The following ANTXR1 variants were observed in gnomAD, a reference collection of about 807,000 sequenced individuals.
ANTXR1 encodes the protein ANTXR cell adhesion molecule 1.
ANTXR1 carries 19 observed loss-of-function variants against 78.1 expected under a neutral mutation model. That is an observed-to-expected ratio of 0.24 (90% confidence interval 0.17 to 0.36). The LOEUF (loss-of-function observed/expected upper bound fraction) is 0.36. Ranked by LOEUF, ANTXR1 falls within the 10% of genes least tolerant of loss-of-function variation. The pLI is 1.00. For synonymous variants in ANTXR1, 273 were observed against 260.5 expected (o/e 1.05, Z -0.46); for missense variants, 518 against 718.6 (o/e 0.72, Z 3.19).
At position 69,181,777 on chromosome 2, in the gene ANTXR1, T is replaced by C. The variant is rs1309783201; in HGVS notation, c.1090-9T>C. On this transcript the variant is annotated splice_polypyrimidine_tract_variant and intron_variant, in intron 14 of 17. Coordinates refer to ENST00000303714, the MANE Select transcript of ANTXR1 (RefSeq NM_032208.3). ...TTTGCTTCCTTCATGTGCCACAATT[T>C]CTCTGCAGGAAGAAGATGATGATGG... 1 of 1,613,914 alleles carries C rather than the reference T, an allele frequency of 6.2e-7. No individual in the cohort carries two copies. The highest frequency in any genetic ancestry group is 8.5e-7 in the Non-Finnish European group (1 of 1,179,840).
At chr2:69,244,032 G>A (rs1315801276) in intron 17 of ANTXR1, among the ~76,000 whole-genome samples, 1 of 152,262 alleles carries the variant, frequency 6.6e-6, no homozygotes, top group Admixed American at 6.5e-5. Context: ...GGAACATGGT[G>A]AGCAGGAGAA....
chr2:69,033,726 C>G (rs538927084), intron 1 of ANTXR1, among the ~76,000 whole-genome samples: 7 of 152,312 alleles, frequency 4.6e-5, no homozygotes, highest in African/African-American at 1.7e-4. Context: ...TAATTTCCAT[C>G]CTTAGAGCTG....
intron 8 of ANTXR1, among the ~76,000 whole-genome samples, chr2:69,089,081 C>G (rs765604699): frequency 6.6e-6 from 1 of 152,162 alleles, no homozygotes; most frequent in Non-Finnish European, 1.5e-5. Context: ...GCTGAAGGAA[C>G]TAATTACTTC....
intron 16 of ANTXR1, among the ~76,000 whole-genome samples, chr2:69,186,070 G>T (rs2104467677): frequency 6.7e-6 from 1 of 150,036 alleles, no homozygotes; most frequent in East Asian, 1.9e-4. Flanking sequence ...AAACAGTGTT[G>T]TACCTGGCTC....
intron 12 of ANTXR1, among the ~76,000 whole-genome samples, chr2:69,151,322 A>G (rs1373747282): frequency 6.6e-6 from 1 of 151,630 alleles, no homozygotes; most frequent in African/African-American, 2.4e-5. Flanking sequence ...ACCTATCACA[A>G]TTTGCCCCCT....
At chr2:69,067,110 C>G (rs1472710970) in intron 3 of ANTXR1, among the ~76,000 whole-genome samples, 2 of 151,984 alleles carry the variant, frequency 1.3e-5, no homozygotes. Flanking sequence ...ATTTTGTTTG[C>G]TTAGATGTTG....
chr2:69,065,129 A>G (rs373517399), intron 3 of ANTXR1, among the ~76,000 whole-genome samples: 12 of 152,180 alleles, frequency 7.9e-5, no homozygotes, highest in African/African-American at 2.9e-4. Context: ...ACCACTGGTA[A>G]GAGTGGTTTT....
Position 69,013,431 on chromosome 2 carries a change from C to T in ANTXR1, c.-69C>T, listed in dbSNP as rs1020893008. 1.9e-6 allele frequency: 3 copies of T among 1,563,782 alleles called. No homozygotes were observed. In the Admixed American group the frequency reaches 5.8e-5, roughly 30 times the overall value. Reference sequence around the variant, plus strand: ...GAGGAAGGGCCCGCGGATGGCGCGTCCCTGAGGGTCGTGGCGAGTTCGCGG... The same window carrying T: ...GAGGAAGGGCCCGCGGATGGCGCGTTCCTGAGGGTCGTGGCGAGTTCGCGG... On this transcript the variant is annotated 5_prime_UTR_variant, in exon 1 of 18. Coordinates refer to ENST00000303714, the MANE Select transcript of ANTXR1 (RefSeq NM_032208.3). The surrounding 1 kb of genome is among the most constrained non-coding windows in gnomAD (Gnocchi z 5.0).
intron 17 of ANTXR1, among the ~76,000 whole-genome samples, chr2:69,243,416 C>A (rs1675936761): frequency 1.3e-5 from 2 of 152,050 alleles, no homozygotes; most frequent in Non-Finnish European, 1.5e-5. Flanking sequence ...GTGGTGTAGG[C>A]TGTAACTAGA....
intron 1 of ANTXR1, among the ~76,000 whole-genome samples, chr2:69,018,440 A>T (rs1671089854): frequency 6.6e-6 from 1 of 152,168 alleles, no homozygotes; most frequent in Non-Finnish European, 1.5e-5. Context: ...AGATTTTTGT[A>T]GCATTAGGCT....
intron 13 of ANTXR1, among the ~76,000 whole-genome samples, chr2:69,169,075 C>A (rs540919790): frequency 2.6e-5 from 4 of 152,368 alleles, no homozygotes; most frequent in African/African-American, 9.6e-5. Context: ...CCAGAATAAT[C>A]ATCAAACCAG....
At chr2:69,194,915 A>C (rs1273842066) in intron 17 of ANTXR1, among the ~76,000 whole-genome samples, 2 of 152,130 alleles carry the variant, frequency 1.3e-5, no homozygotes, top group Non-Finnish European at 2.9e-5. Context: ...CACACTGGTA[A>C]TCCCAGCACT....
intron 5 of ANTXR1, 50 bp downstream of exon 5, chr2:69,071,837 G>C (rs1159207328): frequency 6.4e-7 from 1 of 1,555,508 alleles, no homozygotes; most frequent in East Asian, 2.2e-5. Context: ...CTTTTTCCGT[G>C]TTTGTTGCTG....
chr2:69,132,593 G>A (rs762424081), intron 12 of ANTXR1, among the ~76,000 whole-genome samples: 16 of 152,176 alleles, frequency 1.1e-4, no homozygotes, highest in South Asian at 2.1e-4. Flanking sequence ...AAATTATTGC[G>A]TACTCTTCAG....
intron 9 of ANTXR1, among the ~76,000 whole-genome samples, chr2:69,094,467 G>T (rs1423824716): frequency 6.6e-6 from 1 of 152,206 alleles, no homozygotes; most frequent in East Asian, 1.9e-4. Flanking sequence ...AACATATAAT[G>T]GTGGGACCAA....
chr2:69,145,858 C>T (rs1351780891), intron 12 of ANTXR1: 1 of 986,370 alleles, frequency 1.0e-6, no homozygotes, highest in Non-Finnish European at 1.2e-6. Flanking sequence ...TTCACTCCCG[C>T]CCCATGCCAT....
At chr2:69,105,714 A>G (rs528299149) in intron 10 of ANTXR1, among the ~76,000 whole-genome samples, 1 of 152,268 alleles carries the variant, frequency 6.6e-6, no homozygotes, top group South Asian at 2.1e-4. Flanking sequence ...TTAAAATGTT[A>G]TCTGTTTTTA....
intron 17 of ANTXR1, among the ~76,000 whole-genome samples, chr2:69,238,782 T>C (rs1480198341): frequency 6.6e-6 from 1 of 152,206 alleles, no homozygotes; most frequent in Non-Finnish European, 1.5e-5. Flanking sequence ...ACTTTTACGA[T>C]CTAATTATTT....
At chr2:69,243,442 A>G (rs908049350) in intron 17 of ANTXR1, among the ~76,000 whole-genome samples, 34 of 152,110 alleles carry the variant, frequency 2.2e-4, no homozygotes, top group African/African-American at 7.7e-4. Context: ...CAAGGAAGCA[A>G]AGGGTAAGTG....
Sources: allele counts gnomAD v4.1 joint callset (sites outside exome capture counted in the v4.1 genomes callset), GRCh38; gene constraint gnomAD v4.1.1; non-coding constraint Gnocchi (gnomAD v3.1); transcripts MANE v1.5; gene names NCBI Gene and HGNC (gene_info 2026-07-23, HGNC 2026-07-21).